Variants in KLF17 observed in about 807,000 individuals in gnomAD.
The protein encoded by KLF17 is Krueppel-like factor 17.
In KLF17, 31 loss-of-function variants were observed where a neutral mutation model predicts 34.2. The ratio of observed to expected loss-of-function variants is 0.91; its 90% CI spans 0.68 to 1.22. The LOEUF (loss-of-function observed/expected upper bound fraction) is 1.22. Among genes scored for constraint, KLF17 ranks in the 50% most tolerant of loss-of-function variants. KLF17 has a pLI of 0.00. For missense variants in KLF17, 478 were observed against 505.2 expected (o/e 0.95, Z 0.52); for synonymous variants, 179 against 186.7 (o/e 0.96, Z 0.34).
rs113334663 is a variant in KLF17, at chr1:44,130,725, A to G, written c.1139A>G (p.Glu380Gly). ...CCACAGGCCAACAACAACAATGGAGAGCAGGACAGTCCTCCTGCTGCTGGT... is the reference window on the plus strand; with the variant it reads ...CCACAGGCCAACAACAACAATGGAGGGCAGGACAGTCCTCCTGCTGCTGGT... ...SDPQANNNNG[E>G]QDSPPAAGP The change falls in exon 3 of 4, where the codon GAG becomes GGG. Residue 380 changes from glutamate to glycine, a missense_variant. Coordinates refer to ENST00000372299, the MANE Select transcript of KLF17 (RefSeq NM_173484.4). 6.2e-7 allele frequency: 1 copy of G among 1,613,984 alleles called. No homozygotes were observed. Among genetic ancestry groups the G allele is most frequent in the Non-Finnish European group, 8.5e-7 (1 of 1,180,000 alleles).
chr1:44,119,084 C>A, intron 1 of KLF17, 96 bp downstream of exon 1: 1 of 828,286 alleles, frequency 1.2e-6, no homozygotes, highest in South Asian at 2.2e-5. Flanking sequence ...CGGAGGGAAG[C>A]AGAAACCCGA....
chr1:44,105,856 A>C, the KLF17 span, among the ~76,000 whole-genome samples: 1 of 152,084 alleles, frequency 6.6e-6, no homozygotes, highest in African/African-American at 2.4e-5. Context: ...AAGCTAGAGC[A>C]TTTCCAAGTG....
At chr1:44,123,326 T>C (rs1051776624) in intron 1 of KLF17, among the ~76,000 whole-genome samples, 4 of 152,198 alleles carry the variant, frequency 2.6e-5, no homozygotes, top group African/African-American at 9.7e-5. Context: ...AGTCTCAAAA[T>C]GCTCAGCCTG....
the KLF17 span, among the ~76,000 whole-genome samples, chr1:44,069,469 C>CGAGAGAGA: frequency 3.0e-4 from 38 of 127,178 alleles, no homozygotes; most frequent in Non-Finnish European, 4.5e-4. This position sits in a 1 kb window ranked among gnomAD's most constrained non-coding sequence, Gnocchi z 4.7. Context: ...TGTTACATGG[C>CGAGAGAGA]GAGAGAGAGA....
the KLF17 span, among the ~76,000 whole-genome samples, chr1:44,086,139 A>G: frequency 6.6e-6 from 1 of 152,202 alleles, no homozygotes; most frequent in African/African-American, 2.4e-5. Context: ...GACGCTGAGT[A>G]TAGACACTTG....
At chr1:44,117,168 C>T (rs888867643), upstream of KLF17, 5 of 152,122 alleles carry the variant, frequency 3.3e-5, no homozygotes, top group African/African-American at 9.7e-5. Context: ...AATCCCATTA[C>T]CAATCAGCAT....
chr1:44,078,790 G>C, the KLF17 span, among the ~76,000 whole-genome samples: 1 of 151,948 alleles, frequency 6.6e-6, no homozygotes, highest in Non-Finnish European at 1.5e-5. Flanking sequence ...TCCCAGCTAG[G>C]CACCCCCACA....
the KLF17 span, among the ~76,000 whole-genome samples, chr1:44,111,391 A>G: frequency 1.3e-5 from 2 of 149,992 alleles, no homozygotes; most frequent in Admixed American, 6.6e-5. Context: ...ATCCATAAAC[A>G]ATTTCTACTA....
the KLF17 span, among the ~76,000 whole-genome samples, chr1:44,077,044 C>CT: frequency 8.0e-3 from 1,174 of 145,970 alleles, 17 homozygotes; most frequent in African/African-American, 0.028. Context: ...CTTTTTCTTT[C>CT]TTTTTTTTTA....
At chr1:44,122,325 T>C (rs1248598574) in intron 1 of KLF17, 3 of 1,602,928 alleles carry the variant, frequency 1.9e-6, no homozygotes, top group Non-Finnish European at 1.7e-6. Flanking sequence ...CCGAATGTTA[T>C]TTCCTCGAAT....
the KLF17 span, among the ~76,000 whole-genome samples, chr1:44,061,692 C>T: frequency 3.0e-3 from 452 of 152,194 alleles, 1 homozygote; most frequent in African/African-American, 0.01. Context: ...TCCAGGTGGG[C>T]GGATCACTTG....
At chr1:44,119,084 C>CAGAAACCCGAGGGGT (rs2087914997) in intron 1 of KLF17, 96 bp downstream of exon 1, 4 of 828,286 alleles carry the variant, frequency 4.8e-6, no homozygotes, top group Non-Finnish European at 7.1e-6. Flanking sequence ...CGGAGGGAAG[C>CAGAAACCCGAGGGGT]AGAAACCCGA....
Position 44,133,977 on chromosome 1 carries a change from T to C in KLF17, c.*740T>C, listed in dbSNP as rs1314955665. ...CTTCCATGGAGCAGGTCATCTCGGG[T>C]TCACTGGGCCAGGGATGGTCTCTGT... is the stretch of plus-strand genomic sequence containing the variant. On this transcript the variant is annotated 3_prime_UTR_variant, in exon 4 of 4. Transcript: ENST00000372299. The C allele has an allele frequency of 6.6e-6, 1 of 152,188 alleles. No individual in the cohort carries two copies. The highest frequency in any genetic ancestry group is 6.5e-5 in the Admixed American group (1 of 15,274). The allele number at this position is 152,188 out of a possible 1,614,324, so 9.4% of individuals were successfully genotyped here.
chr1:44,056,071 C>T, the KLF17 span, among the ~76,000 whole-genome samples: 7 of 152,162 alleles, frequency 4.6e-5, no homozygotes, highest in South Asian at 6.2e-4. Flanking sequence ...ACTCTCATGC[C>T]GCATCTCAGC....
chr1:44,101,139 C>G, the KLF17 span, among the ~76,000 whole-genome samples: 1 of 152,200 alleles, frequency 6.6e-6, no homozygotes, highest in East Asian at 1.9e-4. Flanking sequence ...TGTACCCTCA[C>G]TCAGATTCCT....
chr1:44,080,324 C>T, the KLF17 span, among the ~76,000 whole-genome samples: 5 of 150,974 alleles, frequency 3.3e-5, no homozygotes, highest in Admixed American at 2.0e-4. Context: ...CTGCAAGCCC[C>T]GCCTCCCGGG....
At chr1:44,091,961 ACTCTCTCTCTCT>A in the KLF17 span, among the ~76,000 whole-genome samples, 2 of 116,552 alleles carry the variant, frequency 1.7e-5, no homozygotes, top group Non-Finnish European at 3.3e-5. Context: ...ACACACACAC[ACTCTCTCTCTCT>A]CTCTCTCTCT....
At chr1:44,066,288 C>G in the KLF17 span, among the ~76,000 whole-genome samples, 18 of 151,656 alleles carry the variant, frequency 1.2e-4, no homozygotes, top group Admixed American at 1.2e-3. Context: ...CACTGTACAC[C>G]AGCCTGGACA....
In KLF17 at chr1:44,129,346, C is replaced by G; in HGVS notation, c.82-7C>G. The G allele has an allele frequency of 6.6e-7, 1 of 1,506,148 alleles. No homozygotes were observed. The highest frequency in any genetic ancestry group is 8.9e-7 in the Non-Finnish European group (1 of 1,127,722). 93.3% of individuals were successfully genotyped at this position (1,506,148 alleles called of 1,614,324 possible). On this transcript the variant is annotated splice_region_variant and splice_polypyrimidine_tract_variant and intron_variant, in intron 1 of 3. Transcript: ENST00000372299. ...GAGCAAAAATCACCTGACTCTTTTT[C>G]CCCAAGGATAACGAGAACTCAGCGC...
Sources: gnomAD v4.1 joint callset for allele counts (sites outside exome capture counted in the v4.1 genomes callset) on GRCh38, gnomAD v4.1.1 for gene constraint, Gnocchi (gnomAD v3.1) non-coding constraint, MANE v1.5 for transcripts, NCBI Gene and HGNC (gene_info 2026-07-23, HGNC 2026-07-21) for gene names.